The following ZNRF1 variants were observed in gnomAD, a reference collection of about 807,000 sequenced individuals.
The protein encoded by ZNRF1 is E3 ubiquitin-protein ligase ZNRF1.
A neutral mutation model predicts 18.4 loss-of-function variants in ZNRF1; 3 were observed. That is an observed-to-expected ratio of 0.16 (90% CI 0.07 to 0.42). The LOEUF (loss-of-function observed/expected upper bound fraction) is 0.42. Ranked by LOEUF, ZNRF1 falls within the 10% of genes least tolerant of loss-of-function variation. ZNRF1 has a pLI of 0.99. For missense variants in ZNRF1, 310 were observed against 329.8 expected (o/e 0.94, Z 0.47); for synonymous variants, 157 against 144.2 (o/e 1.09, Z -0.64).
rs180755636 is a variant in ZNRF1 at position 75,067,591 on chromosome 16, A to T, written c.425-25981A>T. On this transcript the variant is annotated intron_variant, in intron 1 of 4. Coordinates refer to ENST00000335325, the MANE Select transcript of ZNRF1 (RefSeq NM_032268.5). ...TAAGCCATAGTACTAAAAGCAAATG[A>T]TGTCTGCGCAAAAACAGGTAATAGA... Among the ~76,000 whole-genome samples, 3 of 152,370 alleles carry T rather than the reference A, an allele frequency of 2.0e-5. No individual in the cohort carries two copies. In the East Asian group the frequency reaches 5.8e-4, roughly 29 times the overall value.
chr16:75,082,420 C>T (rs2036023680), intron 1 of ZNRF1, among the ~76,000 whole-genome samples: 1 of 152,192 alleles, frequency 6.6e-6, no homozygotes, highest in Non-Finnish European at 1.5e-5. Context: ...TGGCAGGCTG[C>T]AGGCTGGACT....
chr16:75,086,823 C>T (rs997805931), intron 1 of ZNRF1, among the ~76,000 whole-genome samples: 9 of 152,182 alleles, frequency 5.9e-5, no homozygotes, highest in Admixed American at 2.0e-4. Flanking sequence ...TGCCCCAGGA[C>T]CTCCCATCTG....
At chr16:75,026,663 C>T (rs892359226) in intron 1 of ZNRF1, among the ~76,000 whole-genome samples, 2 of 152,104 alleles carry the variant, frequency 1.3e-5, no homozygotes, top group African/African-American at 4.8e-5. Flanking sequence ...TGGCCAGGCG[C>T]AGTGGCTCAC....
At chr16:75,090,506 C>T (rs569826809) in intron 1 of ZNRF1, among the ~76,000 whole-genome samples, 1 of 152,150 alleles carries the variant, frequency 6.6e-6, no homozygotes, top group Non-Finnish European at 1.5e-5. Flanking sequence ...GCGTGAGCCA[C>T]CACACCAGGC....
At chr16:75,057,729 G>A (rs966611412) in intron 1 of ZNRF1, among the ~76,000 whole-genome samples, 3 of 152,148 alleles carry the variant, frequency 2.0e-5, no homozygotes, top group Non-Finnish European at 2.9e-5. Context: ...TCCGTCTCCC[G>A]GGTTCAAGTG....
In ZNRF1 at chr16:74,999,599, C is replaced by A; in HGVS notation, c.-73C>A. On this transcript the variant is annotated 5_prime_UTR_variant, in exon 1 of 5. Coordinates refer to ENST00000335325, the MANE Select transcript of ZNRF1 (RefSeq NM_032268.5). ...CCCTCCCCCTTTATGCTCGCCCAGC[C>A]CTCCCCCTGCTGCTGAGAAGTGGGG... 8.8e-7 allele frequency: 1 copy of A among 1,134,168 alleles called. No individual in the cohort carries two copies. Among genetic ancestry groups the A allele is most frequent in the Non-Finnish European group, 1.1e-6 (1 of 880,786 alleles). The allele number at this position is 1,134,168 out of a possible 1,614,324, so 70.3% of individuals were successfully genotyped here. A position where few individuals can be genotyped will look rare whatever the true frequency, so the allele number is the denominator to read the frequency against.
chr16:75,076,707 A>G (rs2035944416), intron 1 of ZNRF1, among the ~76,000 whole-genome samples: 1 of 149,662 alleles, frequency 6.7e-6, no homozygotes. Context: ...TCCTCCCCCA[A>G]AATTCATGTG....
chr16:75,036,963 A>C (rs1413268261), intron 1 of ZNRF1, among the ~76,000 whole-genome samples: 3 of 152,178 alleles, frequency 2.0e-5, no homozygotes, highest in Admixed American at 6.5e-5. Context: ...GTGAGCATGA[A>C]CTTGACAGTT....
At chr16:75,005,167 C>T (rs766388182) in intron 1 of ZNRF1, among the ~76,000 whole-genome samples, 5 of 152,112 alleles carry the variant, frequency 3.3e-5, no homozygotes, top group Admixed American at 1.3e-4. Flanking sequence ...TGATGGGTCT[C>T]CTGCCCTGCA....
At position 75,106,489 on chromosome 16, in the gene ZNRF1, G is replaced by A. The variant is rs758823045; in HGVS notation, c.634G>A (p.Asp212Asn). 2.3e-5 allele frequency: 37 copies of A among 1,614,040 alleles called. No homozygotes were observed. In the Middle Eastern group the frequency reaches 4.9e-4, roughly 22 times the overall value. ...CLCIYHKSCI[D>N]SWFEVNRSCP... is the part of the protein sequence containing the mutation. ...GCGGCCCCCTCCTCCCAGCTGCATA[G>A]ACTCGTGGTTTGAAGTGAACAGATC... is the stretch of plus-strand genomic sequence containing the variant. The change falls in exon 4 of 5, where the codon GAC becomes AAC. Residue 212 changes from aspartate (D) to asparagine (N), a missense_variant. By Grantham distance (23) the Asp-to-Asn change is conservative. Around this residue, in one of 2 missense-constraint regions of ZNRF1, gnomAD observed 17 missense variants for 38.6 expected, o/e 0.44. Transcript: ENST00000335325.
At chr16:75,024,626 G>T (rs2035197040) in intron 1 of ZNRF1, among the ~76,000 whole-genome samples, 3 of 152,322 alleles carry the variant, frequency 2.0e-5, no homozygotes, top group Middle Eastern at 3.4e-3. Context: ...TTAGAAAGAG[G>T]CAGCATTTGC....
chr16:75,067,150 G>A (rs1486950933), intron 1 of ZNRF1, among the ~76,000 whole-genome samples: 1 of 152,166 alleles, frequency 6.6e-6, no homozygotes, highest in East Asian at 1.9e-4. Context: ...CATTTTCCAT[G>A]TGATCTCTCC....
At chr16:75,024,215 T>C (rs1217090434) in intron 1 of ZNRF1, among the ~76,000 whole-genome samples, 1 of 152,148 alleles carries the variant, frequency 6.6e-6, no homozygotes, top group Non-Finnish European at 1.5e-5. Context: ...CAGTCCATAC[T>C]AACTGCTGGA....
intron 1 of ZNRF1, among the ~76,000 whole-genome samples, chr16:75,054,241 T>C (rs984511914): frequency 1.3e-5 from 2 of 152,232 alleles, no homozygotes; most frequent in African/African-American, 4.8e-5. Flanking sequence ...TGACCAGAAG[T>C]GCAGTTCCTG....
chr16:75,025,733 G>A (rs920598716), intron 1 of ZNRF1, among the ~76,000 whole-genome samples: 1 of 152,220 alleles, frequency 6.6e-6, no homozygotes, highest in Non-Finnish European at 1.5e-5. Context: ...ATCTGAATGT[G>A]TCTAACTTGT....
chr16:75,034,019 G>A (rs1292798896), intron 1 of ZNRF1, among the ~76,000 whole-genome samples: 2 of 151,876 alleles, frequency 1.3e-5, no homozygotes, highest in East Asian at 3.9e-4. Context: ...TTAGCCAGGT[G>A]TGTTGGTGCA....
intron 1 of ZNRF1, among the ~76,000 whole-genome samples, chr16:75,050,560 T>TA (rs971118445): frequency 1.9e-4 from 27 of 143,538 alleles, no homozygotes; most frequent in South Asian, 1.3e-3. Flanking sequence ...TTCCTGATAT[T>TA]AAAAAAAAAA....
At chr16:75,039,584 C>T (rs2035416407) in intron 1 of ZNRF1, among the ~76,000 whole-genome samples, 1 of 152,076 alleles carries the variant, frequency 6.6e-6, no homozygotes, top group African/African-American at 2.4e-5. Context: ...CCCAGGTTCC[C>T]CTTTGTTAGA....
At chr16:75,042,958 A>C (rs1295966157) in intron 1 of ZNRF1, among the ~76,000 whole-genome samples, 1 of 152,218 alleles carries the variant, frequency 6.6e-6, no homozygotes, top group Non-Finnish European at 1.5e-5. Context: ...AACGCAGGCC[A>C]AGGCCAGCTC....
Sources: gnomAD v4.1 joint callset for allele counts (sites outside exome capture counted in the v4.1 genomes callset) on GRCh38, gnomAD v4.1.1 for gene constraint, gnomAD v4.1.1 regional missense constraint, MANE v1.5 for transcripts, NCBI Gene and HGNC (gene_info 2026-07-23, HGNC 2026-07-21) for gene names.